The following IMMP2L variants were observed in gnomAD, a reference collection of about 807,000 sequenced individuals.
The protein encoded by IMMP2L is mitochondrial inner membrane protease subunit 2.
Under a neutral mutation model 19.3 loss-of-function variants are expected in IMMP2L, and 18 were observed. The ratio of observed to expected loss-of-function variants is 0.93; its 90% confidence interval spans 0.64 to 1.38. The LOEUF is 1.38. Ranked by LOEUF, IMMP2L falls within the 40% of genes most tolerant of loss-of-function variation. The probability of loss-of-function intolerance (pLI) is 0.00; values close to 1 mark genes in which losing one functional copy is unlikely to be tolerated. For missense variants in IMMP2L, 233 were observed against 218.2 expected, an observed-to-expected ratio of 1.07 and a Z score of -0.43; for synonymous variants, 76 against 73.0, an observed-to-expected ratio of 1.04 and a Z score of -0.21.
chr7:110,958,385 T>C (rs1333293040), intron 4 of IMMP2L, among the ~76,000 whole-genome samples: 1 of 152,044 alleles, frequency 6.6e-6, no homozygotes, highest in Non-Finnish European at 1.5e-5. Flanking sequence ...TGCAAGGATG[T>C]TCATTAAAGC....
At chr7:110,820,377 C>G (rs1473413014) in intron 5 of IMMP2L, among the ~76,000 whole-genome samples, 1 of 151,916 alleles carries the variant, frequency 6.6e-6, no homozygotes, top group African/African-American at 2.4e-5. Flanking sequence ...AAGAAAATCT[C>G]TTCTTATGTG....
At chr7:111,503,770 A>G (rs1280538773) in intron 2 of IMMP2L, among the ~76,000 whole-genome samples, 1 of 151,576 alleles carries the variant, frequency 6.6e-6, no homozygotes, top group Non-Finnish European at 1.5e-5. Flanking sequence ...AAATTCAACA[A>G]CCCTTCATGC....
intron 5 of IMMP2L, among the ~76,000 whole-genome samples, chr7:110,807,474 C>T (rs1801713671): frequency 6.6e-6 from 1 of 151,962 alleles, no homozygotes; most frequent in African/African-American, 2.4e-5. Context: ...AACCACTTCC[C>T]TTCATTTGTA....
chr7:110,788,747 G>T (rs2131132702), intron 5 of IMMP2L, among the ~76,000 whole-genome samples: 1 of 151,812 alleles, frequency 6.6e-6, no homozygotes, highest in East Asian at 1.9e-4. Context: ...CATGATGGTG[G>T]ATTGTGTAGT....
intron 4 of IMMP2L, among the ~76,000 whole-genome samples, chr7:110,917,537 C>A (rs1443613275): frequency 1.3e-5 from 2 of 152,196 alleles, no homozygotes; most frequent in East Asian, 3.9e-4. Context: ...GATGAAGAAA[C>A]AGAACTAGGA....
chr7:110,771,778 A>T (rs1799057548), intron 5 of IMMP2L, among the ~76,000 whole-genome samples: 1 of 152,176 alleles, frequency 6.6e-6, no homozygotes, highest in Non-Finnish European at 1.5e-5. Flanking sequence ...GGCTTTACAC[A>T]TATTACAAAG....
At chr7:110,814,961 T>C (rs1248596455) in intron 5 of IMMP2L, among the ~76,000 whole-genome samples, 2 of 151,904 alleles carry the variant, frequency 1.3e-5, no homozygotes, top group Admixed American at 6.6e-5. Flanking sequence ...CAAAATACAA[T>C]TGATACAATA....
chr7:111,085,678 A>G (rs1253696131), intron 3 of IMMP2L, among the ~76,000 whole-genome samples: 2 of 152,190 alleles, frequency 1.3e-5, no homozygotes, highest in Non-Finnish European at 2.9e-5. Context: ...ATAAAGACAC[A>G]TGCACATGTA....
At position 110,924,264 on chromosome 7, in the gene IMMP2L, A is replaced by C. The variant is rs937477633; in HGVS notation, c.306-37569T>G. 6.6e-6 allele frequency among the ~76,000 whole-genome samples: 1 copy of C among 152,172 alleles called. No individual in the cohort carries two copies. Among genetic ancestry groups the C allele is most frequent in the African/African-American group, 2.4e-5 (1 of 41,430 alleles). ...AATTTCCTTTATTACAGCAAAATTGAGAAGAGGCTTCTGGTGAAAACGTTT... is the reference window on the plus strand; with the variant it reads ...AATTTCCTTTATTACAGCAAAATTGCGAAGAGGCTTCTGGTGAAAACGTTT... On this transcript the variant is annotated intron_variant, in intron 4 of 5. Coordinates refer to ENST00000405709, the MANE Select transcript of IMMP2L (RefSeq NM_032549.4). The surrounding 1 kb of genome is among the most constrained non-coding windows in gnomAD (Gnocchi z 4.2).
chr7:110,788,705 C>T (rs746488281), intron 5 of IMMP2L, among the ~76,000 whole-genome samples: 18 of 151,642 alleles, frequency 1.2e-4, no homozygotes, highest in African/African-American at 1.9e-4. Flanking sequence ...TTTTGCGCTC[C>T]GATGCACACC....
intron 1 of IMMP2L, among the ~76,000 whole-genome samples, chr7:111,545,510 C>T (rs2010246): frequency 0.18 from 27,642 of 152,022 alleles, 3,657 homozygotes; most frequent in African/African-American, 0.37. Context: ...CCTGCCTCAG[C>T]CTCCTGAGTA....
chr7:111,264,170 A>G (rs982256), intron 3 of IMMP2L, among the ~76,000 whole-genome samples: 55,760 of 151,928 alleles, frequency 0.37, 10,775 homozygotes, highest in East Asian at 0.63. Context: ...ATTAACACAG[A>G]AAATCAGGGG....
intron 4 of IMMP2L, among the ~76,000 whole-genome samples, chr7:110,894,893 T>C (rs1416793121): frequency 6.6e-6 from 1 of 152,196 alleles, no homozygotes; most frequent in African/African-American, 2.4e-5. Flanking sequence ...TTTTTACATA[T>C]GGTTATCCAA....
chr7:111,256,851 G>A (rs967725944), intron 3 of IMMP2L, among the ~76,000 whole-genome samples: 3 of 151,890 alleles, frequency 2.0e-5, no homozygotes, highest in Admixed American at 1.3e-4. Flanking sequence ...GACTCTAAAA[G>A]ACAAAAAACG....
intron 5 of IMMP2L, among the ~76,000 whole-genome samples, chr7:110,682,352 C>T (rs765515481): frequency 6.6e-6 from 1 of 152,134 alleles, no homozygotes; most frequent in Non-Finnish European, 1.5e-5. Flanking sequence ...AATTATCATA[C>T]TGGGCAGTGA....
Position 110,928,666 on chromosome 7 carries a change from C to T in IMMP2L, c.305+34834G>A, listed in dbSNP as rs148992696. Among the ~76,000 whole-genome samples the T allele has an allele frequency of 2.0e-4, 30 of 152,086 alleles. No homozygotes were observed. In the East Asian group the frequency reaches 4.1e-3, roughly 21 times the overall value. ...TCATAACAACACTCCCAGCACATGC[C>T]TTTTGGAGACATTCTCACTTGAGAT... On this transcript the variant is annotated intron_variant, in intron 4 of 5. Coordinates refer to ENST00000405709, the MANE Select transcript of IMMP2L (RefSeq NM_032549.4).
intron 5 of IMMP2L, among the ~76,000 whole-genome samples, chr7:110,698,497 A>C (rs1370398602): frequency 6.6e-6 from 1 of 152,186 alleles, no homozygotes; most frequent in Non-Finnish European, 1.5e-5. Flanking sequence ...GAATGGAGCG[A>C]TGAGAGAATA....
rs115834173 is a variant in IMMP2L, at chr7:110,766,091, A to T, written c.409-102370T>A. Among the ~76,000 whole-genome samples the T allele has an allele frequency of 2.8e-3, 433 of 152,286 alleles. 5 individuals are homozygous for T. The highest frequency in any genetic ancestry group is 9.8e-3 in the African/African-American group (407 of 41,552). ...ATTATTAGTTCTAATGATTTAATTA[A>T]ATATAATTTGTTGTGACTGTATTGG... On this transcript the variant is annotated intron_variant, in intron 5 of 5. Transcript: ENST00000405709.
intron 3 of IMMP2L, among the ~76,000 whole-genome samples, chr7:111,311,844 T>C (rs1195568410): frequency 6.6e-6 from 1 of 152,164 alleles, no homozygotes; most frequent in African/African-American, 2.4e-5. Context: ...ATTATCGCAA[T>C]TGTACTCACT....
Sources: allele counts gnomAD v4.1 joint callset (sites outside exome capture counted in the v4.1 genomes callset), GRCh38; gene constraint gnomAD v4.1.1; non-coding constraint Gnocchi (gnomAD v3.1); transcripts MANE v1.5; gene names NCBI Gene and HGNC (gene_info 2026-07-23, HGNC 2026-07-21).